The following RP1 variants were observed in gnomAD, a reference collection of about 807,000 sequenced individuals.
RP1 encodes the protein RP1 axonemal microtubule associated, also known as oxygen-regulated protein 1.
In RP1, 16 loss-of-function variants were observed where a neutral mutation model predicts 14.8. The observed-to-expected ratio is 1.08, with a 90% confidence interval of 0.73 to 1.65. The LOEUF (loss-of-function observed/expected upper bound fraction) is 1.65, where lower values mean the gene tolerates loss of function less well. Ranked by LOEUF, RP1 falls within the 40% of genes most tolerant of loss-of-function variation. RP1 has a pLI of 0.00. For synonymous variants in RP1, 876 were observed against 883.6 expected (o/e 0.99, Z 0.15); for missense variants, 2,631 against 2,535.0 (o/e 1.04, Z -0.81).
intron 25 of RP1, among the ~76,000 whole-genome samples, chr8:54,842,826 G>A (rs903100838): frequency 2.0e-5 from 3 of 152,006 alleles, no homozygotes; most frequent in South Asian, 2.1e-4. Context: ...TATCTCCCTC[G>A]TGGCTCTGGC....
At chr8:54,696,912 T>G in intron 12 of RP1, 3 of 820,432 alleles carry the variant, frequency 3.7e-6, no homozygotes, top group South Asian at 2.6e-5. Context: ...GACAACACAG[T>G]GATTGAGGAG....
chr8:54,626,626 A>G lies in RP1; in HGVS notation c.2744A>G (p.Tyr915Cys), dbSNP rs1281492246. The G allele has an allele frequency of 6.2e-7, 1 of 1,613,738 alleles. No homozygotes were observed. Residue 915 changes from tyrosine (Y) to cysteine (C), a missense_variant, in exon 4 of 4, where the codon TAT becomes TGT. Transcript: ENST00000220676. ...ATTGCTCATCATTCAATTCAAAATTATATACAGAGTTGGTTGCAGAACATA... is the reference window on the plus strand; with the variant it reads ...ATTGCTCATCATTCAATTCAAAATTGTATACAGAGTTGGTTGCAGAACATA... ...EAIAHHSIQN[Y>C]IQSWLQNINP... is the part of the protein sequence containing the mutation.
intron 25 of RP1, among the ~76,000 whole-genome samples, chr8:54,838,685 A>T (rs145484149): frequency 1.0e-3 from 158 of 152,248 alleles, no homozygotes; most frequent in Admixed American, 3.5e-3. Context: ...TCCTGCATGC[A>T]TATGTGAAAA....
At chr8:54,592,788 G>C (rs1366629177) in intron 1 of RP1, among the ~76,000 whole-genome samples, 1 of 152,112 alleles carries the variant, frequency 6.6e-6, no homozygotes. Flanking sequence ...TTTCATGCTT[G>C]TTGCCCCTTA....
At chr8:54,597,248 TCCA>T (rs1401619682) in intron 1 of RP1, among the ~76,000 whole-genome samples, 1 of 152,116 alleles carries the variant, frequency 6.6e-6, no homozygotes, top group Non-Finnish European at 1.5e-5. Context: ...CCTCCTCAAC[TCCA>T]GTTTTTCTAC....
intron 24 of RP1, among the ~76,000 whole-genome samples, chr8:54,806,159 C>T (rs1258266458): frequency 1.3e-5 from 2 of 152,246 alleles, no homozygotes; most frequent in South Asian, 2.1e-4. Context: ...GCTGAGATTA[C>T]AAGCGCCTGC....
Position 54,742,386 on chromosome 8 carries a change from G to T in RP1, c.2808+3357G>T, listed in dbSNP as rs369921912. ...CTGTGATTTTTATTATTGTATCTTT[G>T]GTTGTATAATAAAAGTAATTGAGAA... On this transcript the variant is annotated intron_variant, in intron 19 of 22. Coordinates refer to the RP1 transcript ENST00000636932. Among the ~76,000 whole-genome samples, 124 of 152,134 alleles carry T rather than the reference G, an allele frequency of 8.2e-4. 1 individual carries two copies. In the South Asian group the frequency reaches 0.011, roughly 13 times the overall value.
rs75659305 is a variant in RP1 at position 54,571,798 on chromosome 8, T to G, written c.-13+12478T>G. The stretch of plus-strand genomic sequence containing the variant: ...CTCAGCTCCTGGTGGTTTGCTGGCC[T>G]TTTTTTTAGCATTTCTTGGCTTGAG... On this transcript the variant is annotated intron_variant, in intron 1 of 22. Transcript: ENST00000636932. 2.0e-3 allele frequency among the ~76,000 whole-genome samples: 298 copies of G among 150,936 alleles called. 1 individual carries two copies. Among genetic ancestry groups the G allele is most frequent in the East Asian group, 7.7e-3 (40 of 5,172 alleles).
chr8:54,588,257 C>T (rs1563319546), intron 1 of RP1, among the ~76,000 whole-genome samples: 1 of 152,050 alleles, frequency 6.6e-6, no homozygotes, highest in Admixed American at 6.5e-5. Context: ...GCAATGCTTA[C>T]AGGATAGAAT....
At position 54,625,909 on chromosome 8, in the gene RP1, C is replaced by A. The variant is rs767901469; in HGVS notation, c.2027C>A (p.Ser676Tyr). 1 of 1,613,782 alleles carries A rather than the reference C, an allele frequency of 6.2e-7. No homozygotes were observed. The highest frequency in any genetic ancestry group is 2.2e-5 in the East Asian group (1 of 44,848). The change falls in exon 4 of 4, where the codon TCT becomes TAT. Residue 676 changes from serine to tyrosine, a missense_variant. Physicochemically the swap from Ser to Tyr is moderately radical, Grantham distance 144. Transcript: ENST00000220676. ...SSVASKKKKK[S>Y]RQQAINSRYQ... is the part of the protein sequence containing the mutation. ...GTTGCCAGCAAAAAGAAGAAAAAAT[C>A]TCGACAGCAAGCAATAAATTCCAGG...
In RP1 at chr8:54,626,767, G is replaced by A. The variant is rs550776387; in HGVS notation, c.2885G>A (p.Gly962Glu). 2.5e-6 allele frequency: 4 copies of A among 1,613,726 alleles called. No individual in the cohort carries two copies. The highest frequency in any genetic ancestry group is 3.3e-4 in the Middle Eastern group (2 of 6,062). ...FSGNDPHTNS[G>E]KISNFVMESN... The stretch of plus-strand genomic sequence containing the variant: ...GGGAATGATCCCCATACAAATTCTG[G>A]AAAAATAAGTAATTTTGTTATGGAA... The change falls in exon 4 of 4, where the codon GGA becomes GAA. Residue 962 changes from glycine (G) to glutamate (E), a missense_variant. By Grantham distance (98) the Gly-to-Glu change is moderately conservative. Coordinates refer to ENST00000220676, the MANE Select transcript of RP1 (RefSeq NM_006269.2).
At position 54,629,467 on chromosome 8, in the gene RP1, G is replaced by T. The variant is rs777277564; in HGVS notation, c.5585G>T (p.Arg1862Ile). Reference sequence around the variant, plus strand: ...GAGAAGGGTAGTCATCAGTCAGAAAGAGTATGCACATCTGTCACTCATTCC... The same window carrying T: ...GAGAAGGGTAGTCATCAGTCAGAAATAGTATGCACATCTGTCACTCATTCC... ...TEEKGSHQSE[R>I]VCTSVTHSFI... is the part of the protein sequence containing the mutation. The change falls in exon 4 of 4, where the codon AGA becomes ATA. Residue 1862 changes from arginine (R) to isoleucine (I), a missense_variant. Physicochemically the swap from Arg to Ile is moderately conservative, Grantham distance 97. Coordinates refer to ENST00000220676, the MANE Select transcript of RP1 (RefSeq NM_006269.2). 12 of 1,614,046 alleles carry T rather than the reference G, an allele frequency of 7.4e-6. No individual in the cohort carries two copies. The East Asian group carries it at 1.8e-4, about 24-fold the overall frequency.
chr8:54,829,303 A>G (rs2129400614), intron 24 of RP1, among the ~76,000 whole-genome samples: 1 of 152,322 alleles, frequency 6.6e-6, no homozygotes, highest in Admixed American at 6.5e-5. Flanking sequence ...GGCTAATGCC[A>G]TATGCTCTTG....
At chr8:54,675,309 A>G (rs374245884) in intron 8 of RP1, among the ~76,000 whole-genome samples, 65 of 152,284 alleles carry the variant, frequency 4.3e-4, no homozygotes, top group African/African-American at 1.5e-3. Context: ...TATAATTCAC[A>G]ATGAGATTGT....
intron 3 of RP1, among the ~76,000 whole-genome samples, chr8:54,641,974 A>T (rs2129322820): frequency 6.6e-6 from 1 of 152,340 alleles, no homozygotes; most frequent in Admixed American, 6.5e-5. Flanking sequence ...TCACATTCAT[A>T]GAAAAGTCAA....
At chr8:54,623,535 G>A (rs1191618851) in intron 3 of RP1, among the ~76,000 whole-genome samples, 2 of 151,720 alleles carry the variant, frequency 1.3e-5, no homozygotes, top group African/African-American at 4.8e-5. Flanking sequence ...ATGGGCTCAA[G>A]TGATCACCCG....
upstream of RP1, among the ~76,000 whole-genome samples, chr8:54,613,122 A>C (rs972903229): frequency 1.3e-5 from 2 of 152,228 alleles, no homozygotes; most frequent in African/African-American, 4.8e-5. Context: ...TGAACAAATA[A>C]ACAAATGAGT....
intron 24 of RP1, among the ~76,000 whole-genome samples, chr8:54,786,871 T>A (rs916105466): frequency 6.6e-6 from 1 of 152,172 alleles, no homozygotes; most frequent in Non-Finnish European, 1.5e-5. Flanking sequence ...TGAGGCTATG[T>A]CATGTGACCA....
chr8:54,659,132 C>G (rs772999046), intron 6 of RP1, among the ~76,000 whole-genome samples: 1 of 152,056 alleles, frequency 6.6e-6, no homozygotes, highest in Non-Finnish European at 1.5e-5. Context: ...TTAGCCTCAT[C>G]AGATATATGA....
Sources: allele counts gnomAD v4.1 joint callset (sites outside exome capture counted in the v4.1 genomes callset), GRCh38; gene constraint gnomAD v4.1.1; transcripts MANE v1.5; gene names NCBI Gene and HGNC (gene_info 2026-07-23, HGNC 2026-07-21).